HAUS2: variants seen among roughly 807,000 people sequenced by gnomAD.
HAUS2 encodes HAUS augmin like complex subunit 2, also known as HAUS augmin-like complex subunit 2.
HAUS2 carries 20 observed loss-of-function variants against 21.6 expected under a neutral mutation model. The observed-to-expected ratio is 0.93, with a 90% CI of 0.65 to 1.35. The LOEUF (loss-of-function observed/expected upper bound fraction) is 1.35. Ranked by LOEUF, HAUS2 falls within the 40% of genes most tolerant of loss-of-function variation. The pLI, the probability that HAUS2 is intolerant of heterozygous loss-of-function variation, is 0.00. For synonymous variants in HAUS2, 113 were observed against 95.6 expected (o/e 1.18, Z -1.06); for missense variants, 297 against 280.7 (o/e 1.06, Z -0.42).
At chr15:42,549,882 C>A (rs1026740394) in intron 1 of HAUS2, among the ~76,000 whole-genome samples, 11 of 150,192 alleles carry the variant, frequency 7.3e-5, no homozygotes, top group African/African-American at 2.7e-4. Context: ...CAAGGAGTCA[C>A]GGAGTGGCAG....
At chr15:42,552,441 A>G (rs905921717) in intron 1 of HAUS2, among the ~76,000 whole-genome samples, 6 of 152,196 alleles carry the variant, frequency 3.9e-5, no homozygotes, top group African/African-American at 1.4e-4. Context: ...TTAAAAATTA[A>G]GACTATTGAG....
rs772935512 is a variant in HAUS2 at position 42,566,734 on chromosome 15, G to A, written c.626G>A (p.Ser209Asn). ...ATCCCCAAAATATTAGCTGAAGAAA[G>A]TTATCTTTATAAACATGATATTATA... ...SCIPKILAEE[S>N]YLYKHDIIMP... The change falls in exon 6 of 6, where the codon AGT becomes AAT. Residue 209 changes from serine (S) to asparagine (N), a missense_variant. Coordinates refer to ENST00000260372, the MANE Select transcript of HAUS2 (RefSeq NM_018097.3). The A allele has an allele frequency of 1.3e-6, 2 of 1,561,386 alleles. No homozygotes were observed. The highest frequency in any genetic ancestry group is 1.4e-5 in the African/African-American group (1 of 73,838).
intron 1 of HAUS2, among the ~76,000 whole-genome samples, chr15:42,549,197 G>A (rs919784471): frequency 2.6e-5 from 4 of 152,150 alleles, no homozygotes; most frequent in African/African-American, 9.7e-5. Context: ...TGTCTGTAGG[G>A]TAAATTTGTC....
chr15:42,549,450 T>C (rs1455987475), intron 1 of HAUS2, among the ~76,000 whole-genome samples: 2 of 151,728 alleles, frequency 1.3e-5, no homozygotes, highest in African/African-American at 4.8e-5. Context: ...TTATTATTTA[T>C]TTATTTATTT....
chr15:42,552,967 G>GA (rs1403726647), intron 1 of HAUS2, among the ~76,000 whole-genome samples: 1 of 151,352 alleles, frequency 6.6e-6, no homozygotes, highest in Non-Finnish European at 1.5e-5. Context: ...TACATATATG[G>GA]TATATAATGT....
intron 2 of HAUS2, among the ~76,000 whole-genome samples, chr15:42,558,521 G>A (rs1364631646): frequency 6.6e-6 from 1 of 151,590 alleles, no homozygotes; most frequent in African/African-American, 2.4e-5. Flanking sequence ...TAGAGATGGG[G>A]TTTCACCATG....
At position 42,566,926 on chromosome 15, in the gene HAUS2, G is replaced by C. The variant is rs1178872746; in HGVS notation, c.*110G>C. 4 of 608,786 alleles carry C rather than the reference G, an allele frequency of 6.6e-6. No homozygotes were observed. In the African/African-American group the frequency reaches 7.4e-5, roughly 11 times the overall value. 37.7% of individuals were successfully genotyped at this position (608,786 alleles called of 1,614,324 possible). On this transcript the variant is annotated 3_prime_UTR_variant, in exon 6 of 6. Transcript: ENST00000260372. ...GCTGCTGGTAATACTGAAAGAACCT[G>C]CTTTATATTGGAGTATCAAGATCTC...
chr15:42,566,231 T>C, intron 5 of HAUS2, among the ~76,000 whole-genome samples: 1 of 152,098 alleles, frequency 6.6e-6, no homozygotes, highest in East Asian at 1.9e-4. Flanking sequence ...AGTAAGTTTA[T>C]TTTTTGACAC....
Position 42,558,221 on chromosome 15 carries a change from A to G in HAUS2, c.117A>G (p.Lys39=), listed in dbSNP as rs1283774938. Residue 39 remains lysine, a synonymous_variant, in exon 2 of 6, where the codon AAA becomes AAG. Transcript: ENST00000260372. ...VNQEMLNMSK[K]TVSCFVNFTR... is the part of the protein sequence containing the mutation. The stretch of plus-strand genomic sequence containing the variant: ...AGGAGATGTTAAACATGTCTAAGAA[A>G]ACAGTTTCTTGTTTTGTGAACTTCA... 6.7e-7 allele frequency: 1 copy of G among 1,489,202 alleles called. No individual in the cohort carries two copies. Among genetic ancestry groups the G allele is most frequent in the Non-Finnish European group, 9.3e-7 (1 of 1,070,764 alleles). 92.2% of individuals were successfully genotyped at this position (1,489,202 alleles called of 1,614,324 possible).
intron 2 of HAUS2, 131 bp from the exon 3 acceptor site, chr15:42,559,208 C>T (rs992922028): frequency 5.2e-6 from 3 of 582,460 alleles, no homozygotes; most frequent in African/African-American, 3.8e-5. Flanking sequence ...AATCTCGGCT[C>T]ACTACATCCT....
At position 42,558,244 on chromosome 15, in the gene HAUS2, TCA is replaced by T; in HGVS notation, c.142_143del (p.Thr48GlnfsTer11). ...AAAACAGTTTCTTGTTTTGTGAACT[TCA>T]CCAGACTACAGCAGATCACAAATAT... is the stretch of plus-strand genomic sequence containing the variant. On this transcript the variant is annotated frameshift_variant, in exon 2 of 6. Transcript: ENST00000260372. LOFTEE classifies it high-confidence loss of function. 1 of 1,509,122 alleles carries T rather than the reference TCA, an allele frequency of 6.6e-7. No individual in the cohort carries two copies. The highest frequency in any genetic ancestry group is 9.2e-7 in the Non-Finnish European group (1 of 1,088,156). 93.5% of individuals were successfully genotyped at this position (1,509,122 alleles called of 1,614,324 possible).
At chr15:42,558,162 G>T in intron 1 of HAUS2, 36 bp from the exon 2 acceptor site, 1 of 908,240 alleles carries the variant, frequency 1.1e-6, no homozygotes, top group South Asian at 1.4e-5. Flanking sequence ...AACTTTTTGT[G>T]ACATTCTGCT....
intron 5 of HAUS2, among the ~76,000 whole-genome samples, chr15:42,566,029 C>T (rs1170941513): frequency 2.6e-5 from 4 of 151,976 alleles, no homozygotes; most frequent in Admixed American, 6.6e-5. Context: ...GGTGAAACCC[C>T]GTCTCTACTA....
intron 1 of HAUS2, among the ~76,000 whole-genome samples, chr15:42,553,597 G>C (rs1033997941): frequency 1.3e-5 from 2 of 152,018 alleles, no homozygotes; most frequent in African/African-American, 4.8e-5. Context: ...GAGAGCCACT[G>C]CACCTGACCC....
chr15:42,558,338 T>TTTTAAG, intron 2 of HAUS2, 48 bp downstream of exon 2: 1 of 650,556 alleles, frequency 1.5e-6, no homozygotes, highest in Non-Finnish European at 2.6e-6. Context: ...TTTTTTTTTT[T>TTTTAAG]GAGACGGAGT....
At chr15:42,563,630 G>T in intron 4 of HAUS2, 119 bp from the exon 5 acceptor site, 1 of 665,982 alleles carries the variant, frequency 1.5e-6, no homozygotes. Flanking sequence ...GGTTGTTATT[G>T]GCTCTCTAGG....
rs2141599988 is a variant in HAUS2 at position 42,559,240 on chromosome 15, C to T, written c.187-99C>T. 52 of 717,932 alleles carry T rather than the reference C, an allele frequency of 7.2e-5. 6 individuals are homozygous for T. The South Asian group carries it at 8.0e-4, about 11-fold the overall frequency. 44.5% of individuals were successfully genotyped at this position (717,932 alleles called of 1,614,324 possible). A position where few individuals can be genotyped will look rare whatever the true frequency, so the allele number is the denominator to read the frequency against. On this transcript the variant is annotated intron_variant, in intron 2 of 5. Coordinates refer to ENST00000260372, the MANE Select transcript of HAUS2 (RefSeq NM_018097.3). ...TCCTGACCTCTGGTGATCCACCTGCCTCAGCCTCCCAAAGTGCTGGGATTA... is the reference window on the plus strand; with the variant it reads ...TCCTGACCTCTGGTGATCCACCTGCTTCAGCCTCCCAAAGTGCTGGGATTA...
intron 3 of HAUS2, chr15:42,560,753 T>C (rs776052097): frequency 3.6e-5 from 25 of 699,720 alleles, no homozygotes; most frequent in Non-Finnish European, 5.2e-6. Context: ...CATGCCCAGC[T>C]AATTTTTGTT....
chr15:42,554,121 C>A (rs1332999519), intron 1 of HAUS2, among the ~76,000 whole-genome samples: 1 of 152,132 alleles, frequency 6.6e-6, no homozygotes, highest in East Asian at 1.9e-4. Flanking sequence ...TTTGCAGGAA[C>A]TCCCATCTTT....
Sources: allele counts gnomAD v4.1 joint callset (sites outside exome capture counted in the v4.1 genomes callset), GRCh38; gene constraint gnomAD v4.1.1; transcripts MANE v1.5; gene names NCBI Gene and HGNC (gene_info 2026-07-23, HGNC 2026-07-21).